Variants in COL5A1 observed in about 807,000 individuals in gnomAD.
The protein encoded by COL5A1 is collagen alpha-1(V) chain.
In COL5A1, 16 loss-of-function variants were observed where a neutral mutation model predicts 263.7. The ratio of observed to expected loss-of-function variants is 0.06; its 90% CI spans 0.04 to 0.09. The LOEUF is 0.09. Among genes scored for constraint, COL5A1 ranks in the 10% least tolerant of loss-of-function variants. The pLI, the probability that COL5A1 is intolerant of heterozygous loss-of-function variation, is 1.00. For synonymous variants in COL5A1, 1,012 were observed against 1,004.5 expected (o/e 1.01, Z -0.14); for missense variants, 2,036 against 2,540.5 (o/e 0.80, Z 4.27).
Position 134,728,873 on chromosome 9 carries a change from G to A in COL5A1, c.924+66G>A, listed in dbSNP as rs1276441526. 7 of 1,600,226 alleles carry A rather than the reference G, an allele frequency of 4.4e-6. No homozygotes were observed. In the African/African-American group the frequency reaches 5.4e-5, roughly 12 times the overall value. Reference sequence around the variant, plus strand: ...GAGGCCATGGTGCAGGGGAGGGCGAGGCCAGGAGAGGTTGTGTCAGGGTAG... The same window carrying A: ...GAGGCCATGGTGCAGGGGAGGGCGAAGCCAGGAGAGGTTGTGTCAGGGTAG... On this transcript the variant is annotated intron_variant, in intron 6 of 65. Coordinates refer to ENST00000371817, the MANE Select transcript of COL5A1 (RefSeq NM_000093.5).
chr9:134,835,525 C>G (rs751114383), intron 65 of COL5A1, among the ~76,000 whole-genome samples: 5 of 152,222 alleles, frequency 3.3e-5, no homozygotes, highest in Non-Finnish European at 5.9e-5. Context: ...CGTTGTGGTT[C>G]CAGTTTGGAG....
intron 32 of COL5A1, among the ~76,000 whole-genome samples, chr9:134,792,632 TG>T (rs558734325): frequency 9.4e-4 from 143 of 152,296 alleles, no homozygotes; most frequent in African/African-American, 3.2e-3. Context: ...CCCAAAGTGC[TG>T]GGATTACAGG....
chr9:134,813,813 G>A (rs966272742), intron 48 of COL5A1, among the ~76,000 whole-genome samples, 170 bp from the exon 49 acceptor site: 5 of 152,212 alleles, frequency 3.3e-5, no homozygotes, highest in South Asian at 2.1e-4. Context: ...CATTCCTCAC[G>A]CACCTCCAAT....
In COL5A1 at chr9:134,802,304, GGGTGTCCAAGGCAGCCGA is replaced by G. The variant is rs577155699; in HGVS notation, c.3006+299_3006+316del. ...CAGGAGCTGGGCTCATCCCTGCTGT[GGGTGTCCAAGGCAGCCGA>G]GTCCTCCTGCCACTGGTCCCTGTGG... On this transcript the variant is annotated intron_variant, in intron 38 of 65. Coordinates refer to ENST00000371817, the MANE Select transcript of COL5A1 (RefSeq NM_000093.5). Among the ~76,000 whole-genome samples, 6 of 152,336 alleles carry G rather than the reference GGGTGTCCAAGGCAGCCGA, an allele frequency of 3.9e-5. No homozygotes were observed. The East Asian group carries it at 1.2e-3, about 29-fold the overall frequency.
chr9:134,805,289 C>T, intron 41 of COL5A1, 75 bp downstream of exon 41: 7 of 1,543,070 alleles, frequency 4.5e-6, no homozygotes, highest in Non-Finnish European at 6.3e-6. Flanking sequence ...CCCCGAGAGC[C>T]CAGAGCATGC....
chr9:134,651,642 A>C (rs1389358016), intron 1 of COL5A1, among the ~76,000 whole-genome samples: 8 of 152,360 alleles, frequency 5.3e-5, no homozygotes, highest in African/African-American at 9.6e-5. Flanking sequence ...TAGGTCAGTC[A>C]CTGGGGCCTG....
chr9:134,658,462 C>T lies in COL5A1; in HGVS notation c.109+16166C>T, dbSNP rs898954975. Among the ~76,000 whole-genome samples, 26 of 152,268 alleles carry T rather than the reference C, an allele frequency of 1.7e-4. No homozygotes were observed. In the East Asian group the frequency reaches 4.6e-3, roughly 27 times the overall value. On this transcript the variant is annotated intron_variant, in intron 1 of 65. Coordinates refer to ENST00000371817, the MANE Select transcript of COL5A1 (RefSeq NM_000093.5). Reference sequence around the variant, plus strand: ...GCCTGCATGTGCCCCCGCCCCTGCACGTCCCCCCGCCCCTGCTGGGCCTGT... The same window carrying T: ...GCCTGCATGTGCCCCCGCCCCTGCATGTCCCCCCGCCCCTGCTGGGCCTGT...
chr9:134,813,549 G>A (rs1023043296), intron 48 of COL5A1, among the ~76,000 whole-genome samples: 1 of 152,196 alleles, frequency 6.6e-6, no homozygotes, highest in African/African-American at 2.4e-5. Flanking sequence ...GCTGTAGGGC[G>A]CATGTTTCTG....
At chr9:134,782,368 G>A (rs755804374) in intron 28 of COL5A1, among the ~76,000 whole-genome samples, 2 of 152,196 alleles carry the variant, frequency 1.3e-5, no homozygotes, top group Non-Finnish European at 2.9e-5. Context: ...GATACCGGGA[G>A]CTCAGGGGCC....
intron 37 of COL5A1, 94 bp from the exon 38 acceptor site, chr9:134,801,860 G>A (rs62571401): frequency 1.9e-6 from 2 of 1,030,502 alleles, no homozygotes; most frequent in Non-Finnish European, 3.0e-6. Flanking sequence ...TGGGGGGAAG[G>A]GAGGTGGGGG....
At chr9:134,836,231 T>C (rs996511812) in intron 65 of COL5A1, among the ~76,000 whole-genome samples, 15 of 152,194 alleles carry the variant, frequency 9.9e-5, no homozygotes, top group Admixed American at 3.3e-4. Flanking sequence ...CGTCCAGTGA[T>C]GGCCCCAGGC....
intron 61 of COL5A1, 106 bp downstream of exon 61, chr9:134,823,575 C>A (rs1839116809): frequency 8.2e-7 from 1 of 1,220,550 alleles, no homozygotes; most frequent in Non-Finnish European, 1.2e-6. Flanking sequence ...ACTCATGAAG[C>A]CCATGTGGCA....
chr9:134,644,077 G>A (rs1262268283), intron 1 of COL5A1, among the ~76,000 whole-genome samples: 1 of 152,064 alleles, frequency 6.6e-6, no homozygotes, highest in South Asian at 2.1e-4. Flanking sequence ...AGAAGCATGT[G>A]GAGAGACCAC....
rs555593427 is a variant in COL5A1 at position 134,682,366 on chromosome 9, C to A, written c.110-8546C>A. 6.6e-6 allele frequency among the ~76,000 whole-genome samples: 1 copy of A among 152,274 alleles called. No individual in the cohort carries two copies. Among genetic ancestry groups the A allele is most frequent in the East Asian group, 1.9e-4 (1 of 5,172 alleles). Reference sequence around the variant, plus strand: ...CTGCGGCTTCCTTTAGCCACCACAGCGGGCATGGGGAGGGGACTGTGCGGG... The same window carrying A: ...CTGCGGCTTCCTTTAGCCACCACAGAGGGCATGGGGAGGGGACTGTGCGGG... On this transcript the variant is annotated intron_variant, in intron 1 of 65. Coordinates refer to ENST00000371817, the MANE Select transcript of COL5A1 (RefSeq NM_000093.5). The surrounding 1 kb of genome is among the most constrained non-coding windows in gnomAD (Gnocchi z 5.1).
At chr9:134,669,702 T>C (rs1474701364) in intron 1 of COL5A1, among the ~76,000 whole-genome samples, 1 of 152,092 alleles carries the variant, frequency 6.6e-6, no homozygotes, top group Non-Finnish European at 1.5e-5. Flanking sequence ...TTAAGAGTTA[T>C]GAGAGGAGGC....
intron 4 of COL5A1, among the ~76,000 whole-genome samples, chr9:134,701,826 G>A (rs1444034728): frequency 1.3e-5 from 2 of 152,248 alleles, no homozygotes; most frequent in Non-Finnish European, 2.9e-5. Flanking sequence ...GTCCAGCCAG[G>A]GGCCTTGCTT....
rs1327262473 is a variant in COL5A1, at chr9:134,841,512, T to C, written c.5371-645T>C. ...TGACTCATCCTGCAGGCCAGGTTCATTGCACTACCCCTGCCCTCTGTGCCT... is the reference window on the plus strand; with the variant it reads ...TGACTCATCCTGCAGGCCAGGTTCACTGCACTACCCCTGCCCTCTGTGCCT... On this transcript the variant is annotated intron_variant, in intron 65 of 65. Coordinates refer to ENST00000371817, the MANE Select transcript of COL5A1 (RefSeq NM_000093.5). This position sits in a 1 kb window ranked among gnomAD's most constrained non-coding sequence, Gnocchi z 4.8. Among the ~76,000 whole-genome samples, 2 of 152,086 alleles carry C rather than the reference T, an allele frequency of 1.3e-5. No homozygotes were observed. Among genetic ancestry groups the C allele is most frequent in the Non-Finnish European group, 2.9e-5 (2 of 67,994 alleles).
In COL5A1 at chr9:134,758,436, A is replaced by C. The variant is rs1836068594; in HGVS notation, c.1935+140A>C. On this transcript the variant is annotated intron_variant, in intron 18 of 65. Transcript: ENST00000371817. The surrounding 1 kb of genome is among the most constrained non-coding windows in gnomAD (Gnocchi z 4.1). ...TTCCAACAGTCAGTATACAAACCTC[A>C]CGGGAGTCAGCAATGGCAGTGAGCC... The C allele has an allele frequency of 1.4e-4, 116 of 827,458 alleles. No individual in the cohort carries two copies. Among genetic ancestry groups the C allele is most frequent in the East Asian group, 2.1e-4 (8 of 37,516 alleles). The allele number at this position is 827,458 out of a possible 1,614,324, so 51.3% of individuals were successfully genotyped here. A position where few individuals can be genotyped will look rare whatever the true frequency, so the allele number is the denominator to read the frequency against.
intron 64 of COL5A1, 80 bp from the exon 65 acceptor site, chr9:134,834,891 G>T: frequency 9.9e-7 from 1 of 1,014,814 alleles, no homozygotes. Flanking sequence ...TGTGAGTGAA[G>T]CCCAGGGCAG....
Sources: allele counts gnomAD v4.1 joint callset (sites outside exome capture counted in the v4.1 genomes callset), GRCh38; gene constraint gnomAD v4.1.1; non-coding constraint Gnocchi (gnomAD v3.1); transcripts MANE v1.5; gene names NCBI Gene and HGNC (gene_info 2026-07-23, HGNC 2026-07-21).